FAAH2: variants seen among roughly 807,000 people sequenced by gnomAD.
The protein encoded by FAAH2 is fatty acid amide hydrolase 2.
In FAAH2, 60 loss-of-function variants were observed where a neutral mutation model predicts 36.9. The observed-to-expected ratio is 1.63, with a 90% confidence interval of 1.32 to 2.02. The LOEUF is 2.02. Among genes scored for constraint, FAAH2 ranks in the 30% most tolerant of loss-of-function variants. The pLI is 0.00. For synonymous variants in FAAH2, 214 were observed against 143.8 expected, an observed-to-expected ratio of 1.49 and a Z score of -3.49; for missense variants, 689 against 397.5, an observed-to-expected ratio of 1.73 and a Z score of -6.23.
chrX:57,160,789 G>A, the FAAH2 span, among the ~76,000 whole-genome samples: 3 of 111,435 alleles, frequency 2.7e-5, no homozygotes, highest in African/African-American at 9.8e-5. Context: ...TTTCAATTTT[G>A]TTGATCTTTT....
At chrX:57,470,398 A>T (rs988498561) in intron 10 of FAAH2, among the ~76,000 whole-genome samples, 1 of 111,833 alleles carries the variant, frequency 8.9e-6, no homozygotes, top group African/African-American at 3.3e-5. Flanking sequence ...AGACACAATA[A>T]AAAATGATAA....
chrX:57,467,740 C>T (rs960508869), intron 10 of FAAH2, among the ~76,000 whole-genome samples: 3 of 111,721 alleles, frequency 2.7e-5, no homozygotes, highest in African/African-American at 9.8e-5. Flanking sequence ...TCTGACAGCT[C>T]TGAAGAGAGT....
At chrX:57,358,943 A>T (rs1045361540) in intron 5 of FAAH2, among the ~76,000 whole-genome samples, 10 of 111,048 alleles carry the variant, frequency 9.0e-5, no homozygotes, top group Admixed American at 8.6e-4. Flanking sequence ...GGTACATGAG[A>T]TATTTTGATA....
At chrX:57,431,709 G>A (rs1389989660) in intron 7 of FAAH2, among the ~76,000 whole-genome samples, 1 of 109,106 alleles carries the variant, frequency 9.2e-6, no homozygotes, top group African/African-American at 3.3e-5. Context: ...TGTTTCAAGA[G>A]TTCTCACAAA....
intron 5 of FAAH2, among the ~76,000 whole-genome samples, chrX:57,374,458 AT>A (rs1309776141): frequency 9.0e-6 from 1 of 111,136 alleles, no homozygotes; most frequent in Non-Finnish European, 1.9e-5. Flanking sequence ...TAAGTATTTT[AT>A]TTATTTTGCA....
chrX:57,200,117 C>A, the FAAH2 span, among the ~76,000 whole-genome samples: 1 of 109,458 alleles, frequency 9.1e-6, no homozygotes, highest in African/African-American at 3.3e-5. Flanking sequence ...AGGATTTACT[C>A]CTGCCATTTT....
Position 57,486,475 on chromosome X carries a change from G to A in FAAH2, c.1424-2282G>A, listed in dbSNP as rs1181636847. Among the ~76,000 whole-genome samples, 9 of 111,738 alleles carry A rather than the reference G, an allele frequency of 8.1e-5. No homozygotes were observed. In the East Asian group the frequency reaches 2.5e-3, roughly 32 times the overall value. ...AACTCATGCACTATGGTTCCTGCAGGGCAGTCCTGTTGGCTGTTTTCTATC... is the reference window on the plus strand; with the variant it reads ...AACTCATGCACTATGGTTCCTGCAGAGCAGTCCTGTTGGCTGTTTTCTATC... On this transcript the variant is annotated intron_variant, in intron 10 of 10. Transcript: ENST00000374900.
At chrX:57,465,189 G>A (rs1602752502) in intron 10 of FAAH2, among the ~76,000 whole-genome samples, 1 of 111,451 alleles carries the variant, frequency 9.0e-6, no homozygotes, top group Non-Finnish European at 1.9e-5. Context: ...AGATCAGTTG[G>A]CATAATTTAA....
intron 5 of FAAH2, among the ~76,000 whole-genome samples, chrX:57,377,230 G>A (rs2054706193): frequency 8.9e-6 from 1 of 112,051 alleles, no homozygotes; most frequent in African/African-American, 3.2e-5. Flanking sequence ...CCATGCCTAT[G>A]TCCTGAATGG....
the FAAH2 span, among the ~76,000 whole-genome samples, chrX:57,191,503 A>G: frequency 9.0e-6 from 1 of 110,693 alleles, no homozygotes; most frequent in Admixed American, 9.6e-5. Flanking sequence ...ATGTGATCCC[A>G]TTTGTCCATT....
intron 5 of FAAH2, among the ~76,000 whole-genome samples, chrX:57,375,752 G>T (rs1024783077): frequency 9.0e-6 from 1 of 111,238 alleles, no homozygotes; most frequent in Non-Finnish European, 1.9e-5. Flanking sequence ...TTTTAATTGG[G>T]TAGTTTGTTT....
intron 7 of FAAH2, among the ~76,000 whole-genome samples, chrX:57,381,259 A>C (rs1344514079): frequency 8.9e-6 from 1 of 111,816 alleles, no homozygotes; most frequent in East Asian, 2.8e-4. Context: ...AATCAAATAA[A>C]TAAATTGCTC....
At chrX:57,289,278 G>A (rs2051909013) in intron 1 of FAAH2, among the ~76,000 whole-genome samples, 1 of 110,968 alleles carries the variant, frequency 9.0e-6, no homozygotes, top group Admixed American at 9.6e-5. Context: ...TGATTGAACA[G>A]TCAGTTTCCT....
the FAAH2 span, among the ~76,000 whole-genome samples, chrX:57,276,136 C>T: frequency 8.9e-6 from 1 of 112,078 alleles, no homozygotes; most frequent in Non-Finnish European, 1.9e-5. Flanking sequence ...CTCAGCACCA[C>T]ATCACACTTA....
chrX:57,214,909 CTA>C, the FAAH2 span, among the ~76,000 whole-genome samples: 11 of 110,535 alleles, frequency 1.0e-4, no homozygotes, highest in Admixed American at 1.9e-4. Flanking sequence ...CTATAATACA[CTA>C]TAGTCACATA....
At chrX:57,131,383 C>T in the FAAH2 span, among the ~76,000 whole-genome samples, 1 of 111,770 alleles carries the variant, frequency 8.9e-6, no homozygotes, top group African/African-American at 3.2e-5. Flanking sequence ...CCGCGCCCGG[C>T]CGGGTCTATT....
chrX:57,155,304 T>C, the FAAH2 span, among the ~76,000 whole-genome samples: 2 of 111,524 alleles, frequency 1.8e-5, no homozygotes, highest in African/African-American at 6.5e-5. Context: ...GTTAGGTGTG[T>C]CTGAGGTGAG....
rs749447560 is a variant in FAAH2, at chrX:57,422,344, C to T, written c.997-9574C>T. Among the ~76,000 whole-genome samples the T allele has an allele frequency of 1.3e-4, 15 of 111,975 alleles. No homozygotes were observed. The South Asian group carries it at 5.3e-3, about 39-fold the overall frequency. On this transcript the variant is annotated intron_variant, in intron 7 of 10. Coordinates refer to ENST00000374900, the MANE Select transcript of FAAH2 (RefSeq NM_174912.4). ...TTGATGGAACTGGTCTTTGCAATCCCTCCAGGAAGGCAGTACTGATTTTGG... is the reference window on the plus strand; with the variant it reads ...TTGATGGAACTGGTCTTTGCAATCCTTCCAGGAAGGCAGTACTGATTTTGG...
At chrX:57,178,797 G>T in the FAAH2 span, among the ~76,000 whole-genome samples, 5 of 111,807 alleles carry the variant, frequency 4.5e-5, no homozygotes, top group African/African-American at 1.6e-4. Flanking sequence ...ACACAACAGT[G>T]TTCTGCTAGC....
Sources: gnomAD v4.1 joint callset for allele counts (sites outside exome capture counted in the v4.1 genomes callset) on GRCh38, gnomAD v4.1.1 for gene constraint, MANE v1.5 for transcripts, NCBI Gene and HGNC (gene_info 2026-07-23, HGNC 2026-07-21) for gene names.